Variants in KIR2DL3 observed in about 807,000 individuals in gnomAD.
KIR2DL3 encodes killer cell immunoglobulin-like receptor 2DL3.
In KIR2DL3, 39 loss-of-function variants were observed where a neutral mutation model predicts 33.8. The ratio of observed to expected loss-of-function variants is 1.15; its 90% confidence interval spans 0.89 to 1.51. KIR2DL3 has a LOEUF of 1.51. KIR2DL3 is among the 40% of genes most tolerant of loss of function. The pLI, the probability that KIR2DL3 is intolerant of heterozygous loss-of-function variation, is 0.00. For synonymous variants in KIR2DL3, 174 were observed against 160.2 expected (o/e 1.09, Z -0.65); for missense variants, 462 against 426.2 (o/e 1.08, Z -0.74).
In KIR2DL3 at chr19:54,738,587, C is replaced by G. The variant is rs1243537008; in HGVS notation, c.34+8C>G. 1 of 1,614,094 alleles carries G rather than the reference C, an allele frequency of 6.2e-7. No individual in the cohort carries two copies. Among genetic ancestry groups the G allele is most frequent in the Non-Finnish European group, 8.5e-7 (1 of 1,180,028 alleles). ...TCAGCATGGTGTGTGTTGGTGAGTC[C>G]TGGAAGGGCATCGAGGGAGGGAGTG... is the stretch of plus-strand genomic sequence containing the variant. On this transcript the variant is annotated splice_region_variant and intron_variant, in intron 1 of 7. Transcript: ENST00000342376.
At chr19:54,748,344 T>A (rs1446733964) in intron 5 of KIR2DL3, among the ~76,000 whole-genome samples, 5 of 149,870 alleles carry the variant, frequency 3.3e-5, no homozygotes, top group Middle Eastern at 3.2e-3. Flanking sequence ...TTGTTTTAAG[T>A]TCAGCTGATT....
At chr19:54,741,644 A>G (rs537581597) in intron 2 of KIR2DL3, among the ~76,000 whole-genome samples, 2 of 152,002 alleles carry the variant, frequency 1.3e-5, no homozygotes, top group South Asian at 4.2e-4. Context: ...AACCAGGCTG[A>G]TAAGAGCCTG....
At chr19:54,742,907 A>T (rs2071447827) in intron 3 of KIR2DL3, among the ~76,000 whole-genome samples, 1 of 151,762 alleles carries the variant, frequency 6.6e-6, no homozygotes, top group African/African-American at 2.4e-5. Flanking sequence ...AACACCAAAA[A>T]GCAAAGACAT....
At chr19:54,749,570 T>C (rs1484177430) in intron 5 of KIR2DL3, among the ~76,000 whole-genome samples, 1 of 100,476 alleles carries the variant, frequency 1.0e-5, no homozygotes, top group African/African-American at 3.6e-5. Context: ...GACAGATATA[T>C]GAGTGGTGGT....
At chr19:54,749,190 C>G (rs2073049994) in intron 5 of KIR2DL3, among the ~76,000 whole-genome samples, 1 of 150,284 alleles carries the variant, frequency 6.7e-6, no homozygotes, top group South Asian at 2.1e-4. Flanking sequence ...GGAGAGCACA[C>G]TGGGTACACA....
chr19:54,744,193 C>G (rs546297378), intron 4 of KIR2DL3, 105 bp downstream of exon 4: 1 of 1,472,586 alleles, frequency 6.8e-7, no homozygotes, highest in African/African-American at 1.4e-5. Context: ...AGAGAGAAGA[C>G]GAAGCTTGGG....
intron 4 of KIR2DL3, among the ~76,000 whole-genome samples, chr19:54,744,932 ATATATATATATATATATATATATTTTTT>A (rs1453584050): frequency 1.3e-4 from 3 of 23,544 alleles, no homozygotes; most frequent in East Asian, 9.8e-4. Context: ...ATATATATAT[ATATATATATATATATATATATATTTTTT>A]TTTTTTTTTT....
chr19:54,739,607 G>A (rs1341779565), intron 2 of KIR2DL3, 65 bp downstream of exon 2: 11 of 1,611,280 alleles, frequency 6.8e-6, no homozygotes, highest in Non-Finnish European at 9.3e-6. Context: ...TGAAACAGGA[G>A]GGAAGTCCTG....
intron 4 of KIR2DL3, among the ~76,000 whole-genome samples, chr19:54,744,942 ATATATATATATATTTTTTTTTTTTTTT>A (rs2072149717): frequency 2.1e-4 from 5 of 24,218 alleles, no homozygotes; most frequent in African/African-American, 6.7e-4. Context: ...ATATATATAT[ATATATATATATATTTTTTTTTTTTTTT>A]TTTTTTTTAC....
intron 3 of KIR2DL3, among the ~76,000 whole-genome samples, chr19:54,743,389 A>C (rs552788417): frequency 1.3e-5 from 2 of 152,326 alleles, no homozygotes; most frequent in Admixed American, 1.3e-4. Flanking sequence ...GATGATATAT[A>C]GATATAGATG....
intron 2 of KIR2DL3, among the ~76,000 whole-genome samples, chr19:54,740,128 G>A (rs1334737785): frequency 3.9e-5 from 6 of 152,180 alleles, no homozygotes; most frequent in African/African-American, 1.4e-4. Flanking sequence ...GTCTTTGCGG[G>A]ATGGGTCCTT....
chr19:54,750,489 A>T (rs546481263), intron 5 of KIR2DL3, among the ~76,000 whole-genome samples: 2 of 138,758 alleles, frequency 1.4e-5, no homozygotes, highest in Non-Finnish European at 3.2e-5. Flanking sequence ...ACATAAGAGA[A>T]TTCTACTTAG....
At chr19:54,742,971 A>G (rs777209795) in intron 3 of KIR2DL3, among the ~76,000 whole-genome samples, 84 of 152,174 alleles carry the variant, frequency 5.5e-4, no homozygotes, top group African/African-American at 6.3e-4. Flanking sequence ...ACAGACACAT[A>G]AAGAGAGAGA....
intron 4 of KIR2DL3, among the ~76,000 whole-genome samples, chr19:54,746,337 G>A (rs1008626417): frequency 7.3e-6 from 1 of 137,474 alleles, no homozygotes; most frequent in Non-Finnish European, 1.6e-5. Context: ...CTCCCAATCT[G>A]TGGGTTGTCT....
rs2147040566 is a variant in KIR2DL3, at chr19:54,742,400, G to C, written c.370+121G>C. On this transcript the variant is annotated intron_variant, in intron 3 of 7. Coordinates refer to ENST00000342376, the MANE Select transcript of KIR2DL3 (RefSeq NM_015868.3). ...TATTCTTATGGAGAGAGACTGACTT[G>C]CTGAGGTTTGTACCAACAGAGACAG... 3.5e-6 allele frequency: 5 copies of C among 1,423,144 alleles called. No individual in the cohort carries two copies. In the South Asian group the frequency reaches 3.5e-5, roughly 10 times the overall value. 88.2% of individuals were successfully genotyped at this position (1,423,144 alleles called of 1,614,324 possible). A position where few individuals can be genotyped will look rare whatever the true frequency, so the allele number is the denominator to read the frequency against.
At chr19:54,750,887 G>T (rs2073318820) in intron 5 of KIR2DL3, among the ~76,000 whole-genome samples, 1 of 133,022 alleles carries the variant, frequency 7.5e-6, no homozygotes, top group Non-Finnish European at 1.6e-5. Context: ...GCCCAGCCTG[G>T]GTTTTGTACT....
At chr19:54,741,375 G>A (rs1488870105) in intron 2 of KIR2DL3, among the ~76,000 whole-genome samples, 2 of 151,684 alleles carry the variant, frequency 1.3e-5, no homozygotes, top group African/African-American at 4.9e-5. Context: ...ACCAAACAAG[G>A]AGAAGGTTGG....
intron 4 of KIR2DL3, among the ~76,000 whole-genome samples, chr19:54,744,463 C>G (rs1400539836): frequency 6.6e-6 from 1 of 152,162 alleles, no homozygotes; most frequent in Non-Finnish European, 1.5e-5. Flanking sequence ...ACCCCTACAC[C>G]CTTTACTTTT....
chr19:54,750,813 A>G lies in KIR2DL3; in HGVS notation c.716-836A>G, dbSNP rs1316799537. Among the ~76,000 whole-genome samples, 4 of 135,114 alleles carry G rather than the reference A, an allele frequency of 3.0e-5. 1 individual carries two copies. Among genetic ancestry groups the G allele is most frequent in the African/African-American group, 1.1e-4 (4 of 35,894 alleles). The allele number at this position is 135,114 out of a possible 152,430, so 88.6% of individuals were successfully genotyped here. On this transcript the variant is annotated intron_variant, in intron 5 of 7. Coordinates refer to ENST00000342376, the MANE Select transcript of KIR2DL3 (RefSeq NM_015868.3). ...TGTGAGCCAGTCCCTCAAGGCTCAG[A>G]AAAGCTACTCGGGACATATGGAGTC...
Sources: gnomAD v4.1 joint callset for allele counts (sites outside exome capture counted in the v4.1 genomes callset) on GRCh38, gnomAD v4.1.1 for gene constraint, MANE v1.5 for transcripts, NCBI Gene and HGNC (gene_info 2026-07-23, HGNC 2026-07-21) for gene names.